PAX7: variants seen among roughly 807,000 people sequenced by gnomAD.
PAX7 encodes paired box 7, also known as paired box protein Pax-7.
Under a neutral mutation model 50.7 loss-of-function variants are expected in PAX7, and 18 were observed. The observed-to-expected ratio is 0.36, with a 90% CI of 0.25 to 0.53. The LOEUF (loss-of-function observed/expected upper bound fraction) is 0.53, where lower values mean the gene tolerates loss of function less well. PAX7 is among the 20% of genes least tolerant of loss of function. The probability of loss-of-function intolerance (pLI) is 0.93; values close to 1 mark genes in which losing one functional copy is unlikely to be tolerated. For synonymous variants in PAX7, 310 were observed against 290.4 expected (o/e 1.07, Z -0.69); for missense variants, 644 against 702.9 (o/e 0.92, Z 0.95).
intron 4 of PAX7, among the ~76,000 whole-genome samples, chr1:18,660,653 T>A (rs565790051): frequency 6.6e-6 from 1 of 152,274 alleles, no homozygotes; most frequent in African/African-American, 2.4e-5. Context: ...AAGCCCCTAC[T>A]AGCCCCAGAG....
At chr1:18,705,969 G>A (rs1484682867) in intron 7 of PAX7, among the ~76,000 whole-genome samples, 5 of 152,210 alleles carry the variant, frequency 3.3e-5, no homozygotes, top group African/African-American at 4.8e-5. Flanking sequence ...GGAGGAGGGC[G>A]GGTGCAGGGG....
intron 4 of PAX7, among the ~76,000 whole-genome samples, chr1:18,663,461 C>T (rs756898740): frequency 3.3e-5 from 5 of 152,228 alleles, no homozygotes; most frequent in Non-Finnish European, 2.9e-5. Flanking sequence ...CAGCTCATTG[C>T]AACCTCTGCC....
intron 8 of PAX7, among the ~76,000 whole-genome samples, chr1:18,744,568 A>G (rs1931331647): frequency 6.6e-6 from 1 of 150,934 alleles, no homozygotes; most frequent in South Asian, 2.1e-4. Context: ...GGAGGCATGG[A>G]TGCATGGATA....
intron 7 of PAX7, among the ~76,000 whole-genome samples, chr1:18,733,054 T>C (rs1200599706): frequency 6.6e-6 from 1 of 152,052 alleles, no homozygotes; most frequent in Non-Finnish European, 1.5e-5. Flanking sequence ...TCCGTGTTTG[T>C]GTTGGGTGAG....
At chr1:18,717,532 C>T (rs1188949005) in intron 7 of PAX7, among the ~76,000 whole-genome samples, 1 of 152,186 alleles carries the variant, frequency 6.6e-6, no homozygotes, top group East Asian at 1.9e-4. Flanking sequence ...GTTGTTTGCT[C>T]CAGAAGTTTG....
At position 18,632,038 on chromosome 1, in the gene PAX7, G is replaced by A. The variant is rs1304274753; in HGVS notation, c.85+350G>A. 6.6e-6 allele frequency among the ~76,000 whole-genome samples: 1 copy of A among 152,060 alleles called. No individual in the cohort carries two copies. Among genetic ancestry groups the A allele is most frequent in the East Asian group, 1.9e-4 (1 of 5,186 alleles). ...GACACTTCTTCCCTGACAGTTTCTC[G>A]GCTCTCCTGGCTCGCTGGCTGCCAG... is the stretch of plus-strand genomic sequence containing the variant. On this transcript the variant is annotated intron_variant, in intron 1 of 8. Coordinates refer to ENST00000420770, the MANE Select transcript of PAX7 (RefSeq NM_001135254.2). The surrounding 1 kb of genome is among the most constrained non-coding windows in gnomAD (Gnocchi z 6.3).
At chr1:18,683,088 C>T (rs540403076) in intron 4 of PAX7, among the ~76,000 whole-genome samples, 1 of 152,114 alleles carries the variant, frequency 6.6e-6, no homozygotes, top group African/African-American at 2.4e-5. Flanking sequence ...ACTGGTCAGG[C>T]GGTTGACTCA....
chr1:18,676,585 G>A (rs2088825140), intron 4 of PAX7, among the ~76,000 whole-genome samples: 1 of 152,262 alleles, frequency 6.6e-6, no homozygotes, highest in African/African-American at 2.4e-5. Context: ...GAAAAGAGGG[G>A]GATTGGGGGA....
intron 4 of PAX7, among the ~76,000 whole-genome samples, chr1:18,644,825 T>G (rs2088312939): frequency 6.6e-6 from 1 of 152,104 alleles, no homozygotes; most frequent in Admixed American, 6.5e-5. Flanking sequence ...TGTACTATGC[T>G]CCCCCTTTTA....
intron 4 of PAX7, among the ~76,000 whole-genome samples, chr1:18,654,529 A>T (rs1212367484): frequency 6.6e-6 from 1 of 152,082 alleles, no homozygotes; most frequent in African/African-American, 2.4e-5. Flanking sequence ...ATCTCCACTC[A>T]CCCACTTCTT....
chr1:18,665,361 G>A (rs1363194549), intron 4 of PAX7, among the ~76,000 whole-genome samples: 1 of 152,052 alleles, frequency 6.6e-6, no homozygotes, highest in African/African-American at 2.4e-5. Context: ...GGGTGGCATT[G>A]CTTTTTTTTC....
At chr1:18,652,376 C>T (rs562793608) in intron 4 of PAX7, among the ~76,000 whole-genome samples, 28 of 152,200 alleles carry the variant, frequency 1.8e-4, no homozygotes, top group African/African-American at 3.9e-4. Context: ...CGCAAGGTCC[C>T]GGCTGCACAG....
chr1:18,745,127 T>C lies in PAX7; in HGVS notation c.*198T>C. On this transcript the variant is annotated 3_prime_UTR_variant, in exon 9 of 9. Transcript: ENST00000420770. ...TGGTTAGGGATCCAGAGTGATGCCC[T>C]TGGAGTCTGCTCCCCACTTTCCCCA... 3 of 584,580 alleles carry C rather than the reference T, an allele frequency of 5.1e-6. No homozygotes were observed. Among genetic ancestry groups the C allele is most frequent in the South Asian group, 4.2e-5 (2 of 48,188 alleles). 36.2% of individuals were successfully genotyped at this position (584,580 alleles called of 1,614,324 possible). A position where few individuals can be genotyped will look rare whatever the true frequency, so the allele number is the denominator to read the frequency against.
rs995469485 is a variant in PAX7, at chr1:18,716,105, T to C, written c.1155+12809T>C. Reference sequence around the variant, plus strand: ...CTTTCCCCGGCTGTGAACACGCTTCTCCAACACCTTTTTCAGTGGGGACGG... The same window carrying C: ...CTTTCCCCGGCTGTGAACACGCTTCCCCAACACCTTTTTCAGTGGGGACGG... On this transcript the variant is annotated intron_variant, in intron 7 of 8. Coordinates refer to ENST00000420770, the MANE Select transcript of PAX7 (RefSeq NM_001135254.2). 5.9e-5 allele frequency among the ~76,000 whole-genome samples: 9 copies of C among 152,144 alleles called. No individual in the cohort carries two copies. In the East Asian group the frequency reaches 1.5e-3, roughly 26 times the overall value.
At position 18,631,466 on chromosome 1, in the gene PAX7, T is replaced by A; in HGVS notation, c.-138T>A. On this transcript the variant is annotated 5_prime_UTR_variant, in exon 1 of 9. Coordinates refer to ENST00000420770, the MANE Select transcript of PAX7 (RefSeq NM_001135254.2). ...AGGGGTGGGGGGTGGGGGTAGGGAG[T>A]GTGTGTGGAGGGGAGGGAGAAGAGG... 1 of 636,964 alleles carries A rather than the reference T, an allele frequency of 1.6e-6. No homozygotes were observed. The highest frequency in any genetic ancestry group is 2.5e-5 in the Admixed American group (1 of 39,444). 39.5% of individuals were successfully genotyped at this position (636,964 alleles called of 1,614,324 possible).
chr1:18,640,940 G>A (rs1051597197), intron 4 of PAX7, among the ~76,000 whole-genome samples: 1 of 152,084 alleles, frequency 6.6e-6, no homozygotes, highest in Non-Finnish European at 1.5e-5. Flanking sequence ...GCGAGGGGCC[G>A]AGCCCACACT....
intron 7 of PAX7, among the ~76,000 whole-genome samples, chr1:18,721,379 T>C (rs1320603205): frequency 6.6e-6 from 1 of 152,016 alleles, no homozygotes; most frequent in African/African-American, 2.4e-5. Context: ...GAGGTGGCGG[T>C]GGGTGTGCAG....
intron 5 of PAX7, among the ~76,000 whole-genome samples, chr1:18,695,768 GA>G (rs1197107752): frequency 6.6e-6 from 1 of 152,144 alleles, no homozygotes; most frequent in Non-Finnish European, 1.5e-5. Context: ...CTGAGCCTGT[GA>G]ATTTCTTCTA....
intron 4 of PAX7, among the ~76,000 whole-genome samples, chr1:18,682,423 T>C (rs1570165413): frequency 6.6e-6 from 1 of 152,140 alleles, no homozygotes. Flanking sequence ...TTGGGCCCCA[T>C]GGAGGGGGAG....
Sources: allele counts gnomAD v4.1 joint callset (sites outside exome capture counted in the v4.1 genomes callset), GRCh38; gene constraint gnomAD v4.1.1; non-coding constraint Gnocchi (gnomAD v3.1); transcripts MANE v1.5; gene names NCBI Gene and HGNC (gene_info 2026-07-23, HGNC 2026-07-21).